ADCY9: variants seen among roughly 807,000 people sequenced by gnomAD.
ADCY9 encodes adenylate cyclase 9.
In ADCY9, 50 loss-of-function variants were observed where a neutral mutation model predicts 101.5. That is an observed-to-expected ratio of 0.49 (90% CI 0.39 to 0.62). The LOEUF is 0.62. ADCY9 is among the 20% of genes least tolerant of loss of function. The pLI is 0.00. For synonymous variants in ADCY9, 905 were observed against 769.3 expected, an observed-to-expected ratio of 1.18 and a Z score of -2.92; for missense variants, 1,662 against 1,800.4, an observed-to-expected ratio of 0.92 and a Z score of 1.39.
Position 4,114,477 on chromosome 16 carries a change from G to A in ADCY9, c.966C>T (p.Asp322=). 1 of 1,614,094 alleles carries A rather than the reference G, an allele frequency of 6.2e-7. No individual in the cohort carries two copies. The highest frequency in any genetic ancestry group is 1.1e-5 in the South Asian group (1 of 91,080). The change falls in exon 2 of 11, where the codon GAC becomes GAT. Residue 322 remains aspartate, a synonymous_variant. Transcript: ENST00000294016. The surrounding 1 kb of genome is among the most constrained non-coding windows in gnomAD (Gnocchi z 4.3). ...CTTTGAGGGCTTTTTCCACTTCCAG[G>A]TCCTTCCCGTGCATAATGGATTGCC... ...KVGQSIMHGK[D]LEVEKALKER... is the part of the protein sequence containing the mutation.
intron 2 of ADCY9, among the ~76,000 whole-genome samples, chr16:4,052,861 G>T (rs544556359): frequency 1.3e-5 from 2 of 152,198 alleles, no homozygotes; most frequent in Admixed American, 6.5e-5. Context: ...CGTTTCAGCC[G>T]AACGCATCTG....
intron 2 of ADCY9, among the ~76,000 whole-genome samples, chr16:4,087,533 C>T (rs1384787028): frequency 8.3e-6 from 1 of 120,636 alleles, no homozygotes; most frequent in Non-Finnish European, 1.7e-5. Context: ...GAGATTCCAT[C>T]TCAAAAAGAT....
chr16:4,011,844 G>T (rs189544597), intron 2 of ADCY9, among the ~76,000 whole-genome samples: 1 of 152,296 alleles, frequency 6.6e-6, no homozygotes, highest in East Asian at 1.9e-4. Flanking sequence ...GGGCTAGTGA[G>T]CTGCTTCATC....
At chr16:3,967,235 C>A (rs1227992656) in intron 10 of ADCY9, among the ~76,000 whole-genome samples, 2 of 152,246 alleles carry the variant, frequency 1.3e-5, no homozygotes, top group Admixed American at 6.5e-5. Context: ...AGCAATTTTC[C>A]TGCCTTGGCC....
Position 3,993,513 on chromosome 16 carries a change from A to G in ADCY9, c.1885-3T>C. On this transcript the variant is annotated splice_region_variant and splice_polypyrimidine_tract_variant and intron_variant, in intron 3 of 10. Transcript: ENST00000294016. ...GTGATTCCGCACGAAGGGCAGGTCTAGAAGAAAAACACAGACTGTGGGGAC... is the reference window on the plus strand; with the variant it reads ...GTGATTCCGCACGAAGGGCAGGTCTGGAAGAAAAACACAGACTGTGGGGAC... 1 of 1,613,892 alleles carries G rather than the reference A, an allele frequency of 6.2e-7. No individual in the cohort carries two copies. The highest frequency in any genetic ancestry group is 8.5e-7 in the Non-Finnish European group (1 of 1,179,942).
chr16:4,108,918 C>T (rs1473856407), intron 2 of ADCY9, among the ~76,000 whole-genome samples: 2 of 151,938 alleles, frequency 1.3e-5, no homozygotes, highest in East Asian at 1.9e-4. Context: ...GTTGGCCAGG[C>T]TGGTCTCAAA....
chr16:3,992,678 C>A lies in ADCY9; in HGVS notation c.1990-315G>T, dbSNP rs1567428096. On this transcript the variant is annotated intron_variant, in intron 4 of 10. Transcript: ENST00000294016. The surrounding 1 kb of genome is among the most constrained non-coding windows in gnomAD (Gnocchi z 4.2). ...AAGGGAGGAAAGTGAGGAGCCGAGGCCCCCAGAGTCTGCTTAGGCCAGAAC... is the reference window on the plus strand; with the variant it reads ...AAGGGAGGAAAGTGAGGAGCCGAGGACCCCAGAGTCTGCTTAGGCCAGAAC... Among the ~76,000 whole-genome samples, 1 of 152,156 alleles carries A rather than the reference C, an allele frequency of 6.6e-6. No individual in the cohort carries two copies. Among genetic ancestry groups the A allele is most frequent in the South Asian group, 2.1e-4 (1 of 4,822 alleles).
intron 7 of ADCY9, 46 bp downstream of exon 7, chr16:3,983,186 G>A (rs1343386599): frequency 2.0e-6 from 3 of 1,494,438 alleles, no homozygotes; most frequent in Non-Finnish European, 2.7e-6. Flanking sequence ...GCCAGAAGAG[G>A]GAGCTAACGG....
intron 2 of ADCY9, among the ~76,000 whole-genome samples, chr16:4,053,650 C>G (rs965513110): frequency 6.8e-6 from 1 of 147,758 alleles, no homozygotes; most frequent in Non-Finnish European, 1.5e-5. Flanking sequence ...TTTTAAAAAA[C>G]TGCCAACCGG....
intron 2 of ADCY9, among the ~76,000 whole-genome samples, chr16:4,088,623 G>A (rs1243626686): frequency 6.6e-6 from 1 of 151,950 alleles, no homozygotes; most frequent in Non-Finnish European, 1.5e-5. Context: ...AGATCCTGAA[G>A]CTCGGTGATC....
At chr16:3,985,034 G>A (rs1027400954) in intron 6 of ADCY9, among the ~76,000 whole-genome samples, 4 of 152,212 alleles carry the variant, frequency 2.6e-5, no homozygotes, top group African/African-American at 9.6e-5. Context: ...TTCTCTCCAA[G>A]GAAGCTGGAG....
intron 2 of ADCY9, among the ~76,000 whole-genome samples, chr16:4,101,445 A>G (rs986555287): frequency 1.9e-4 from 29 of 151,980 alleles, no homozygotes; most frequent in African/African-American, 6.5e-4. Flanking sequence ...ATGCACGGCT[A>G]ATTATTTATT....
intron 2 of ADCY9, among the ~76,000 whole-genome samples, chr16:4,090,205 A>T (rs1283729946): frequency 6.6e-6 from 1 of 152,108 alleles, no homozygotes. Flanking sequence ...GGATACTTCC[A>T]AGCCCAACTT....
At chr16:4,009,121 G>A (rs2056386536) in intron 2 of ADCY9, among the ~76,000 whole-genome samples, 2 of 152,110 alleles carry the variant, frequency 1.3e-5, no homozygotes, top group South Asian at 4.1e-4. Flanking sequence ...ATCTTTTTAA[G>A]TCAACTGTTC....
chr16:4,052,585 T>G (rs1302841744), intron 2 of ADCY9, among the ~76,000 whole-genome samples: 5 of 152,110 alleles, frequency 3.3e-5, no homozygotes, highest in Non-Finnish European at 5.9e-5. Flanking sequence ...TACTTCAAAA[T>G]TAGAATATAA....
At chr16:4,101,727 C>T (rs2057044624) in intron 2 of ADCY9, among the ~76,000 whole-genome samples, 1 of 152,156 alleles carries the variant, frequency 6.6e-6, no homozygotes, top group Non-Finnish European at 1.5e-5. Context: ...AATGAGTTTA[C>T]AGTAGGATAC....
intron 2 of ADCY9, among the ~76,000 whole-genome samples, chr16:4,079,614 T>A (rs1307929755): frequency 6.6e-6 from 1 of 152,044 alleles, no homozygotes; most frequent in African/African-American, 2.4e-5. Flanking sequence ...ACATACAGAT[T>A]TAAGTGGAAA....
At chr16:3,976,807 G>GC (rs1400428301) in intron 9 of ADCY9, among the ~76,000 whole-genome samples, 2 of 152,066 alleles carry the variant, frequency 1.3e-5, no homozygotes, top group Non-Finnish European at 1.5e-5. Flanking sequence ...ACAGGTGCAC[G>GC]CCCCCATGCC....
Position 3,963,143 on chromosome 16 carries a change from T to TATATATATATAC in ADCY9, c.*2631_*2632insGTATATATATAT, listed in dbSNP as rs1555504954. On this transcript the variant is annotated 3_prime_UTR_variant, in exon 11 of 11. Transcript: ENST00000294016. The stretch of plus-strand genomic sequence containing the variant: ...ATATATATATATATATATATATATA[T>TATATATATATAC]GGATATATAATTCGATCTGAGCTGG... The TATATATATATAC allele has an allele frequency of 2.5e-5, 4 of 157,108 alleles. No individual in the cohort carries two copies. Among genetic ancestry groups the TATATATATATAC allele is most frequent in the Non-Finnish European group, 3.5e-5 (3 of 85,168 alleles). The allele number at this position is 157,108 out of a possible 1,614,324, so 9.7% of individuals were successfully genotyped here.
Sources: gnomAD v4.1 joint callset for allele counts (sites outside exome capture counted in the v4.1 genomes callset) on GRCh38, gnomAD v4.1.1 for gene constraint, Gnocchi (gnomAD v3.1) non-coding constraint, MANE v1.5 for transcripts, NCBI Gene and HGNC (gene_info 2026-07-23, HGNC 2026-07-21) for gene names.